Variants in TBCD observed in about 807,000 individuals in gnomAD.
TBCD encodes the protein tubulin folding cofactor D.
Under a neutral mutation model 169.3 loss-of-function variants are expected in TBCD, and 105 were observed. The ratio of observed to expected loss-of-function variants is 0.62; its 90% CI spans 0.53 to 0.73. TBCD has a LOEUF of 0.73. Ranked by LOEUF, TBCD falls within the 30% of genes least tolerant of loss-of-function variation. The probability of loss-of-function intolerance (pLI) is 0.00; values close to 1 mark genes in which losing one functional copy is unlikely to be tolerated. For synonymous variants in TBCD, 700 were observed against 643.9 expected, an observed-to-expected ratio of 1.09 and a Z score of -1.32; for missense variants, 1,444 against 1,600.1, an observed-to-expected ratio of 0.90 and a Z score of 1.66.
At chr17:82,849,957 G>T (rs1567886583) in intron 13 of TBCD, among the ~76,000 whole-genome samples, 157 of 136,842 alleles carry the variant, frequency 1.1e-3, no homozygotes, top group African/African-American at 4.1e-3. Flanking sequence ...TGTTGCCTGT[G>T]CTGCTGTTGG....
intron 38 of TBCD, 68 bp from the exon 39 acceptor site, chr17:82,942,352 CAGTCCCCACACAGGGCCCAGAGGGGTGAG>C (rs1341997766): frequency 6.4e-7 from 1 of 1,557,448 alleles, no homozygotes; most frequent in African/African-American, 1.4e-5. Flanking sequence ...GGAACCGTGT[CAGTCCCCACACAGGGCCCAGAGGGGTGAG>C]GGTCCCCTGG....
Position 82,832,124 on chromosome 17 carries a change from T to G in TBCD, c.1318+17190T>G. On this transcript the variant is annotated intron_variant, in intron 13 of 38. Transcript: ENST00000355528. This position sits in a 1 kb window ranked among gnomAD's most constrained non-coding sequence, Gnocchi z 4.9. ...GCTTGCAGCTCCAGGTTTTCCTTGA[T>G]GTCTTCCCTGGCAGAGCTGTGCTGA... 6.2e-7 allele frequency: 1 copy of G among 1,614,206 alleles called. No individual in the cohort carries two copies. Among genetic ancestry groups the G allele is most frequent in the Non-Finnish European group, 8.5e-7 (1 of 1,180,028 alleles).
chr17:82,848,209 A>G (rs975206645), intron 13 of TBCD, among the ~76,000 whole-genome samples: 2 of 152,126 alleles, frequency 1.3e-5, no homozygotes, highest in Admixed American at 1.3e-4. Context: ...GCGGCCTCGG[A>G]AATGGGGCTT....
At position 82,874,858 on chromosome 17, in the gene TBCD, T is replaced by C. The variant is rs1257352201; in HGVS notation, c.1475+4478T>C. On this transcript the variant is annotated intron_variant, in intron 14 of 38. Transcript: ENST00000355528. The surrounding 1 kb of genome is among the most constrained non-coding windows in gnomAD (Gnocchi z 5.0). The stretch of plus-strand genomic sequence containing the variant: ...AATTACCAGCTTTTATGCCCGTCAA[T>C]TTGGGAACGTGATACAATCTTGATT... 6.6e-6 allele frequency among the ~76,000 whole-genome samples: 1 copy of C among 152,180 alleles called. No individual in the cohort carries two copies. Among genetic ancestry groups the C allele is most frequent in the Non-Finnish European group, 1.5e-5 (1 of 68,036 alleles).
intron 1 of TBCD, among the ~76,000 whole-genome samples, chr17:82,753,447 C>CTTTTTTTTTTTTTTTT (rs59839519): frequency 9.6e-6 from 1 of 104,294 alleles, no homozygotes; most frequent in Non-Finnish European, 1.8e-5. Flanking sequence ...TGGCTTCTTC[C>CTTTTTTTTTTTTTTTT]TTTTTTTTTT....
rs2056500521 is a variant in TBCD, at chr17:82,858,507, T to C, written c.1319-11717T>C. 4 of 933,940 alleles carry C rather than the reference T, an allele frequency of 4.3e-6. No individual in the cohort carries two copies. In the South Asian group the frequency reaches 2.0e-4, roughly 47 times the overall value. 57.9% of individuals were successfully genotyped at this position (933,940 alleles called of 1,614,324 possible). A position where few individuals can be genotyped will look rare whatever the true frequency, so the allele number is the denominator to read the frequency against. ...TCTGGCTGGGCAGTTCTACAGGTAC[T>C]ACGGCTGGAGGATCCCAGTTGACTT... On this transcript the variant is annotated intron_variant, in intron 13 of 38. Transcript: ENST00000355528.
chr17:82,942,224 C>T lies in TBCD; in HGVS notation c.3565-225C>T, dbSNP rs533123778. 66 of 598,490 alleles carry T rather than the reference C, an allele frequency of 1.1e-4. No individual in the cohort carries two copies. In the South Asian group the frequency reaches 1.3e-3, roughly 12 times the overall value. The allele number at this position is 598,490 out of a possible 1,614,324, so 37.1% of individuals were successfully genotyped here. On this transcript the variant is annotated intron_variant, in intron 38 of 38. Coordinates refer to ENST00000355528, the MANE Select transcript of TBCD (RefSeq NM_005993.5). ...GCAGGTTAAGAGCAGTGCAGTGAAC[C>T]TCCCTTCCCGCTCCCCAGATGGGGT...
chr17:82,798,501 T>G (rs2050271224), intron 8 of TBCD, among the ~76,000 whole-genome samples: 1 of 152,126 alleles, frequency 6.6e-6, no homozygotes, highest in Admixed American at 6.6e-5. Context: ...AGGCTAGTCT[T>G]GAACTGCTGA....
At chr17:82,795,556 C>T (rs1160919387) in intron 7 of TBCD, 2 of 985,664 alleles carry the variant, frequency 2.0e-6, no homozygotes, top group African/African-American at 3.5e-5. Context: ...GGAATCTGGT[C>T]ATGTGGCCAT....
At position 82,932,996 on chromosome 17, in the gene TBCD, C is replaced by G. The variant is rs2062330786; in HGVS notation, c.3191+261C>G. The G allele has an allele frequency of 8.1e-6, 4 of 496,762 alleles. No homozygotes were observed. The Admixed American group carries it at 1.4e-4, about 17-fold the overall frequency. The allele number at this position is 496,762 out of a possible 1,614,324, so 30.8% of individuals were successfully genotyped here. On this transcript the variant is annotated intron_variant, in intron 34 of 38. Transcript: ENST00000355528. ...GCTGAGGCGGGGGCCCTGCTGTGCA[C>G]TCTCCCCCCAGCTATCCCACCGGGC...
intron 23 of TBCD, chr17:82,918,629 C>G (rs1322781648): frequency 6.6e-6 from 1 of 152,176 alleles, no homozygotes; most frequent in East Asian, 1.9e-4. Context: ...CTTTTCATGT[C>G]TACCACTGAG....
intron 30 of TBCD, 136 bp from the exon 31 acceptor site, chr17:82,928,977 C>G: frequency 8.9e-7 from 1 of 1,127,068 alleles, no homozygotes; most frequent in Non-Finnish European, 1.2e-6. Context: ...GCCAACTCAG[C>G]CACCATGTCC....
rs752766109 is a variant in TBCD, at chr17:82,900,709, A to G, written c.1708A>G (p.Met570Val). 6.2e-7 allele frequency: 1 copy of G among 1,613,990 alleles called. No homozygotes were observed. The highest frequency in any genetic ancestry group is 2.2e-5 in the East Asian group (1 of 44,892). ...TQPMIDHLVT[M>V]KISHWDGVIR... is the part of the protein sequence containing the mutation. ...GCCAATGATAGACCACCTGGTTACC[A>G]TGAAGATCAGCCACTGGGATGGGTA... Residue 570 changes from methionine to valine, a missense_variant, in exon 18 of 39, where the codon ATG (methionine) becomes GTG (valine). Coordinates refer to ENST00000355528, the MANE Select transcript of TBCD (RefSeq NM_005993.5).
rs1013739879 is a variant in TBCD at position 82,838,918 on chromosome 17, G to A, written c.1318+23984G>A. 21 of 985,268 alleles carry A rather than the reference G, an allele frequency of 2.1e-5. No homozygotes were observed. The South Asian group carries it at 2.3e-4, about 11-fold the overall frequency. The allele number at this position is 985,268 out of a possible 1,614,324, so 61.0% of individuals were successfully genotyped here. On this transcript the variant is annotated intron_variant, in intron 13 of 38. Transcript: ENST00000355528. ...AATGCTGGAAGGCCTTTGCTAATGCGCAGTGAAAATTAGGGGCACAGATGT... is the reference window on the plus strand; with the variant it reads ...AATGCTGGAAGGCCTTTGCTAATGCACAGTGAAAATTAGGGGCACAGATGT...
chr17:82,819,791 G>A (rs527541544), intron 13 of TBCD, among the ~76,000 whole-genome samples: 117 of 152,278 alleles, frequency 7.7e-4, no homozygotes, highest in African/African-American at 2.8e-3. Context: ...CTTTTCTTGA[G>A]TGGTCCTGGC....
intron 7 of TBCD, among the ~76,000 whole-genome samples, chr17:82,783,035 C>T (rs1377265674): frequency 4.0e-5 from 6 of 151,272 alleles, no homozygotes; most frequent in East Asian, 3.9e-4. Context: ...TCTTCCTGCC[C>T]GCGGTTTTGT....
chr17:82,762,130 C>CA (rs1479625959), intron 2 of TBCD, among the ~76,000 whole-genome samples: 1 of 151,224 alleles, frequency 6.6e-6, no homozygotes, highest in Non-Finnish European at 1.5e-5. Context: ...TCCTGGCTAA[C>CA]ACGGTGAAAC....
At chr17:82,878,207 C>G (rs1236617893) in intron 14 of TBCD, among the ~76,000 whole-genome samples, 1 of 152,238 alleles carries the variant, frequency 6.6e-6, no homozygotes, top group Non-Finnish European at 1.5e-5. Flanking sequence ...CCTCAGCCTC[C>G]TCTGCTCTGT....
At chr17:82,780,645 C>CTTTT (rs36145167) in intron 6 of TBCD, among the ~76,000 whole-genome samples, 45,042 of 104,548 alleles carry the variant, frequency 0.43, 11,396 homozygotes, top group South Asian at 0.55. Context: ...AAGACTTGGG[C>CTTTT]TTTTTTTTTT....
Sources: allele counts gnomAD v4.1 joint callset (sites outside exome capture counted in the v4.1 genomes callset), GRCh38; gene constraint gnomAD v4.1.1; non-coding constraint Gnocchi (gnomAD v3.1); transcripts MANE v1.5; gene names NCBI Gene and HGNC (gene_info 2026-07-23, HGNC 2026-07-21).